Variants in ITGAV observed in about 807,000 individuals in gnomAD.
The protein encoded by ITGAV is integrin alpha-V.
A neutral mutation model predicts 143.8 loss-of-function variants in ITGAV; 76 were observed. The observed-to-expected ratio is 0.53, with a 90% CI of 0.44 to 0.64. The LOEUF is 0.64. ITGAV is among the 30% of genes least tolerant of loss of function. ITGAV has a pLI of 0.00. For synonymous variants in ITGAV, 453 were observed against 446.7 expected (o/e 1.01, Z -0.18); for missense variants, 1,193 against 1,274.7 (o/e 0.94, Z 0.98).
Position 186,636,073 on chromosome 2 carries a change from C to T in ITGAV, c.632-9C>T, listed in dbSNP as rs1302390081. On this transcript the variant is annotated splice_polypyrimidine_tract_variant and intron_variant, in intron 6 of 29. Transcript: ENST00000261023. ...AGGTTATTTATTTTATATATACACC[C>T]TTTTTTAGGTCAGCTTATTTCGGAT... is the stretch of plus-strand genomic sequence containing the variant. 2 of 1,609,536 alleles carry T rather than the reference C, an allele frequency of 1.2e-6. No homozygotes were observed. The highest frequency in any genetic ancestry group is 1.7e-6 in the Non-Finnish European group (2 of 1,177,988).
At chr2:186,603,135 A>G (rs1033117333) in intron 2 of ITGAV, among the ~76,000 whole-genome samples, 7 of 152,190 alleles carry the variant, frequency 4.6e-5, no homozygotes, top group African/African-American at 1.2e-4. Context: ...TGGTATATTT[A>G]TATATATTTG....
chr2:186,623,743 AT>A lies in ITGAV; in HGVS notation c.408+1319del, dbSNP rs371039251. Among the ~76,000 whole-genome samples, 20 of 152,244 alleles carry A rather than the reference AT, an allele frequency of 1.3e-4. No individual in the cohort carries two copies. The East Asian group carries it at 2.7e-3, about 21-fold the overall frequency. On this transcript the variant is annotated intron_variant, in intron 3 of 29. Coordinates refer to ENST00000261023, the MANE Select transcript of ITGAV (RefSeq NM_002210.5). ...AAACTATTATTATATATATTTCCCA[AT>A]TTTTTAGGAGGCCTGGGTTTCCACC... is the stretch of plus-strand genomic sequence containing the variant.
Position 186,641,376 on chromosome 2 carries a change from G to A in ITGAV, c.957-10G>A. On this transcript the variant is annotated splice_polypyrimidine_tract_variant and intron_variant, in intron 11 of 29. Transcript: ENST00000261023. ...GTTCTTGCTTTGGTGAGAAGTTTCT[G>A]TTCTTCTAGTTATGCAGATGTGTTT... 1 of 1,609,910 alleles carries A rather than the reference G, an allele frequency of 6.2e-7. No homozygotes were observed. The highest frequency in any genetic ancestry group is 8.5e-7 in the Non-Finnish European group (1 of 1,176,554).
At chr2:186,648,926 A>T (rs1054555878) in intron 13 of ITGAV, among the ~76,000 whole-genome samples, 1 of 148,870 alleles carries the variant, frequency 6.7e-6, no homozygotes, top group Non-Finnish European at 1.5e-5. Flanking sequence ...GTATATATAT[A>T]TACATTTGTA....
chr2:186,653,304 A>G (rs187910187), intron 15 of ITGAV, among the ~76,000 whole-genome samples: 90 of 152,250 alleles, frequency 5.9e-4, no homozygotes, highest in Non-Finnish European at 1.1e-3. Flanking sequence ...ATACATATCA[A>G]TATAAATATA....
intron 15 of ITGAV, among the ~76,000 whole-genome samples, chr2:186,653,128 G>T (rs1478421002): frequency 6.6e-6 from 1 of 151,852 alleles, no homozygotes; most frequent in Non-Finnish European, 1.5e-5. Context: ...TGTATTTTTA[G>T]TAGAGACGGG....
intron 26 of ITGAV, 62 bp downstream of exon 26, chr2:186,669,876 C>T (rs921255125): frequency 1.6e-5 from 17 of 1,061,894 alleles, no homozygotes; most frequent in African/African-American, 4.8e-5. Flanking sequence ...ATAGAACTGA[C>T]GCCAAAGAAC....
intron 6 of ITGAV, among the ~76,000 whole-genome samples, chr2:186,634,451 T>C (rs1285377833): frequency 3.1e-5 from 2 of 63,542 alleles, no homozygotes; most frequent in East Asian, 1.3e-3. Context: ...CCTGACTTGC[T>C]TCTTTGTAGA....
At chr2:186,669,613 A>T in intron 25 of ITGAV, 88 bp from the exon 26 acceptor site, 2 of 839,096 alleles carry the variant, frequency 2.4e-6, no homozygotes, top group East Asian at 2.6e-5. Flanking sequence ...ACTATTTTTT[A>T]ATCATATCTA....
chr2:186,646,848 C>T lies in ITGAV; in HGVS notation c.1322C>T (p.Ala441Val). 6.2e-7 allele frequency: 1 copy of T among 1,602,708 alleles called. No homozygotes were observed. The change falls in exon 13 of 30, where the codon GCC becomes GTC. Residue 441 changes from alanine to valine, a missense_variant. Transcript: ENST00000261023. The stretch of plus-strand genomic sequence containing the variant: ...AGCTTTGGCTATTCAATGAAAGGAG[C>T]CACAGATATAGACAAAAATGGATAT... Reference protein sequence around the residue: ...PPSFGYSMKGATDIDKNGYPD... With the variant: ...PPSFGYSMKGVTDIDKNGYPD...
At chr2:186,599,999 A>G (rs963443364) in intron 1 of ITGAV, among the ~76,000 whole-genome samples, 1 of 151,918 alleles carries the variant, frequency 6.6e-6, no homozygotes, top group Non-Finnish European at 1.5e-5. Flanking sequence ...CTCTCCCTTA[A>G]TGCTTTCCCC....
chr2:186,649,845 A>G lies in ITGAV; in HGVS notation c.1357A>G (p.Ile453Val). ...TTTTTCCACTCTTTCTTAAGACTTA[A>G]TTGTAGGAGCTTTTGGTGTAGATCG... ...DIDKNGYPDL[I>V]VGAFGVDRAI... Residue 453 changes from isoleucine to valine, a missense_variant, in exon 14 of 30, where the codon ATT (isoleucine) becomes GTT (valine). By Grantham distance (29) the Ile-to-Val change is conservative. Transcript: ENST00000261023. 1 of 1,592,746 alleles carries G rather than the reference A, an allele frequency of 6.3e-7. No individual in the cohort carries two copies. The highest frequency in any genetic ancestry group is 8.6e-7 in the Non-Finnish European group (1 of 1,167,748).
intron 24 of ITGAV, among the ~76,000 whole-genome samples, chr2:186,668,216 A>ATATATATATATATATATT (rs1553505692): frequency 4.8e-4 from 2 of 4,200 alleles, no homozygotes; most frequent in Non-Finnish European, 9.6e-4. Context: ...ATATATATAT[A>ATATATATATATATATATT]TTTTTTTTTT....
intron 14 of ITGAV, 77 bp from the exon 15 acceptor site, chr2:186,651,905 T>A: frequency 1.2e-6 from 1 of 813,474 alleles, no homozygotes; most frequent in Non-Finnish European, 2.0e-6. Context: ...ATGTAGTGAA[T>A]ATGAACCAAA....
At chr2:186,595,015 T>C (rs921845103) in intron 1 of ITGAV, among the ~76,000 whole-genome samples, 2 of 152,260 alleles carry the variant, frequency 1.3e-5, no homozygotes, top group African/African-American at 4.8e-5. Context: ...TTACTGCTTC[T>C]GTTTTACAGT....
rs534895812 is a variant in ITGAV, at chr2:186,621,928, C to T, written c.317-411C>T. Among the ~76,000 whole-genome samples, 89 of 152,224 alleles carry T rather than the reference C, an allele frequency of 5.8e-4. 1 individual carries two copies. In the South Asian group the frequency reaches 0.017, roughly 28 times the overall value. On this transcript the variant is annotated intron_variant, in intron 2 of 29. Transcript: ENST00000261023. The stretch of plus-strand genomic sequence containing the variant: ...TCTTAGGCACACGTCTCAGTCTTGT[C>T]TTTTATAGCATTTTACACAAAGGTG...
rs760839683 is a variant in ITGAV, at chr2:186,663,855, A to G, written c.1925+20A>G. 1.3e-6 allele frequency: 2 copies of G among 1,542,222 alleles called. No homozygotes were observed. The highest frequency in any genetic ancestry group is 2.3e-5 in the East Asian group (1 of 44,436). ...AGATAGGTAAGTTTTGCTTGAAATA[A>G]TAATGTAGTAAGAAATTTAAATGGA... On this transcript the variant is annotated intron_variant, in intron 19 of 29. Transcript: ENST00000261023.
At chr2:186,668,531 G>A in intron 24 of ITGAV, 1 of 404,932 alleles carries the variant, frequency 2.5e-6, no homozygotes, top group South Asian at 2.4e-5. Flanking sequence ...GAGCCACTGT[G>A]CCCAACCTTG....
intron 2 of ITGAV, among the ~76,000 whole-genome samples, chr2:186,604,575 T>C (rs1275278507): frequency 6.6e-6 from 1 of 152,206 alleles, no homozygotes; most frequent in African/African-American, 2.4e-5. Flanking sequence ...TTGTATACTT[T>C]CCCTCACAGA....
Sources: allele counts gnomAD v4.1 joint callset (sites outside exome capture counted in the v4.1 genomes callset), GRCh38; gene constraint gnomAD v4.1.1; transcripts MANE v1.5; gene names NCBI Gene and HGNC (gene_info 2026-07-23, HGNC 2026-07-21).